The following STK39 variants were observed in gnomAD, a reference collection of about 807,000 sequenced individuals.
STK39 encodes STE20/SPS1-related proline-alanine-rich protein kinase.
Under a neutral mutation model 77.8 loss-of-function variants are expected in STK39, and 20 were observed. The observed-to-expected ratio is 0.26, with a 90% CI of 0.18 to 0.37. The LOEUF (loss-of-function observed/expected upper bound fraction) is 0.37. STK39 is among the 10% of genes least tolerant of loss of function. The probability of loss-of-function intolerance (pLI) is 1.00; values close to 1 mark genes in which losing one functional copy is unlikely to be tolerated. For missense variants in STK39, 479 were observed against 656.5 expected (o/e 0.73, Z 2.95); for synonymous variants, 246 against 234.1 (o/e 1.05, Z -0.47).
chr2:168,002,479 G>C (rs1351604076), intron 16 of STK39, among the ~76,000 whole-genome samples: 1 of 152,212 alleles, frequency 6.6e-6, no homozygotes, highest in Non-Finnish European at 1.5e-5. Context: ...TTCTATGTTA[G>C]AATCTGCAGA....
chr2:168,091,173 C>CAT (rs997316762), intron 10 of STK39, among the ~76,000 whole-genome samples: 2 of 151,858 alleles, frequency 1.3e-5, no homozygotes, highest in Non-Finnish European at 2.9e-5. Context: ...CACACACACA[C>CAT]ACACACACAC....
chr2:168,106,024 G>A (rs551747885), intron 10 of STK39, among the ~76,000 whole-genome samples: 3 of 152,292 alleles, frequency 2.0e-5, no homozygotes, highest in East Asian at 1.9e-4. Context: ...GTGCAGTGGC[G>A]CAATCTCAGC....
chr2:168,118,273 G>A (rs1687309541), intron 10 of STK39, among the ~76,000 whole-genome samples: 1 of 152,060 alleles, frequency 6.6e-6, no homozygotes. Flanking sequence ...AAGGCAAAAA[G>A]GAAGCACATA....
chr2:168,107,060 T>C (rs181721001), intron 10 of STK39, among the ~76,000 whole-genome samples: 50 of 152,320 alleles, frequency 3.3e-4, no homozygotes, highest in African/African-American at 1.2e-3. Flanking sequence ...TAAAAAATCA[T>C]CTCGGTTATT....
chr2:168,027,333 C>T (rs1231041664), intron 14 of STK39, among the ~76,000 whole-genome samples: 1 of 152,180 alleles, frequency 6.6e-6, no homozygotes, highest in African/African-American at 2.4e-5. Context: ...ATTTAACTTA[C>T]TGCAAAAGTG....
intron 2 of STK39, among the ~76,000 whole-genome samples, chr2:168,178,203 G>T (rs1016144712): frequency 7.9e-5 from 12 of 152,114 alleles, no homozygotes; most frequent in Non-Finnish European, 1.6e-4. Context: ...ACAAATGTGG[G>T]GTTAACAAAT....
At chr2:168,068,922 ATTTTTT>A (rs972943643) in intron 12 of STK39, among the ~76,000 whole-genome samples, 1 of 150,548 alleles carries the variant, frequency 6.6e-6, no homozygotes, top group Non-Finnish European at 1.5e-5. Context: ...TCGTAGAAAT[ATTTTTT>A]TTTTCTGAGA....
At chr2:168,065,526 C>T in intron 12 of STK39, 145 bp from the exon 13 acceptor site, 1 of 824,024 alleles carries the variant, frequency 1.2e-6, no homozygotes, top group Non-Finnish European at 2.0e-6. Context: ...CTTTGACTAC[C>T]TGTGTTGGAA....
chr2:167,958,799 C>A (rs1365273548), intron 17 of STK39, among the ~76,000 whole-genome samples: 2 of 151,964 alleles, frequency 1.3e-5, no homozygotes, highest in Non-Finnish European at 2.9e-5. Context: ...AGTTTTCATA[C>A]CCTGTTACCT....
intron 5 of STK39, among the ~76,000 whole-genome samples, chr2:168,144,228 C>G (rs1291835109): frequency 6.6e-6 from 1 of 152,138 alleles, no homozygotes. Flanking sequence ...TAGACTATTA[C>G]CCAACTGTAT....
At chr2:168,177,620 G>A (rs1688986355) in intron 2 of STK39, among the ~76,000 whole-genome samples, 1 of 152,144 alleles carries the variant, frequency 6.6e-6, no homozygotes, top group Non-Finnish European at 1.5e-5. Context: ...GGTGATAGAG[G>A]CTGAAAAGAC....
At chr2:168,013,074 T>C (rs1266504728) in intron 15 of STK39, among the ~76,000 whole-genome samples, 2 of 152,214 alleles carry the variant, frequency 1.3e-5, no homozygotes, top group Non-Finnish European at 2.9e-5. Context: ...TCAATCCTTT[T>C]TTATCATTAG....
At chr2:167,963,525 A>T (rs1023127314) in intron 17 of STK39, among the ~76,000 whole-genome samples, 90 of 145,710 alleles carry the variant, frequency 6.2e-4, no homozygotes, top group African/African-American at 2.1e-3. Flanking sequence ...TCTCACATTA[A>T]AAAAAAAAAA....
intron 2 of STK39, among the ~76,000 whole-genome samples, chr2:168,173,848 C>A (rs958858866): frequency 2.0e-5 from 3 of 152,206 alleles, no homozygotes; most frequent in African/African-American, 4.8e-5. Context: ...CGCACCCAGT[C>A]ATGAATTCTT....
In STK39 at chr2:167,954,400, C is replaced by A. The variant is rs1691712801; in HGVS notation, c.*1096G>T. 6.6e-6 allele frequency: 1 copy of A among 152,542 alleles called. No homozygotes were observed. Among genetic ancestry groups the A allele is most frequent in the Non-Finnish European group, 1.5e-5 (1 of 68,014 alleles). 9.4% of individuals were successfully genotyped at this position (152,542 alleles called of 1,614,324 possible). A position where few individuals can be genotyped will look rare whatever the true frequency, so the allele number is the denominator to read the frequency against. On this transcript the variant is annotated 3_prime_UTR_variant, in exon 18 of 18. Transcript: ENST00000355999. ...TTCTTGAACCTTAACAGCGTTTTACCTTTTAGTCATTGCACAAAACCCTTC... is the reference window on the plus strand; with the variant it reads ...TTCTTGAACCTTAACAGCGTTTTACATTTTAGTCATTGCACAAAACCCTTC...
chr2:168,205,019 AAAAC>A (rs1314885866), intron 1 of STK39, among the ~76,000 whole-genome samples: 1 of 152,252 alleles, frequency 6.6e-6, no homozygotes, highest in Non-Finnish European at 1.5e-5. Flanking sequence ...AATGTACGGA[AAAAC>A]AAACAAGATG....
chr2:168,169,142 A>G (rs1688760860), intron 2 of STK39, among the ~76,000 whole-genome samples: 1 of 152,170 alleles, frequency 6.6e-6, no homozygotes, highest in East Asian at 1.9e-4. Flanking sequence ...TAAATCTGAC[A>G]CTTTTCAATT....
chr2:168,239,086 T>G (rs1690692994), intron 1 of STK39, among the ~76,000 whole-genome samples: 1 of 152,152 alleles, frequency 6.6e-6, no homozygotes, highest in Admixed American at 6.5e-5. Flanking sequence ...GTTATAAAAA[T>G]AGAACTCCTG....
chr2:167,976,156 C>G (rs1683271163), intron 16 of STK39, among the ~76,000 whole-genome samples: 1 of 152,180 alleles, frequency 6.6e-6, no homozygotes, highest in African/African-American at 2.4e-5. Flanking sequence ...GAAGATATTT[C>G]TCATGATCAA....
Sources: gnomAD v4.1 joint callset for allele counts (sites outside exome capture counted in the v4.1 genomes callset) on GRCh38, gnomAD v4.1.1 for gene constraint, MANE v1.5 for transcripts, NCBI Gene and HGNC (gene_info 2026-07-23, HGNC 2026-07-21) for gene names.